The following ZFYVE16 variants were observed in gnomAD, a reference collection of about 807,000 sequenced individuals.
ZFYVE16 encodes the protein zinc finger FYVE-type containing 16, also known as zinc finger FYVE domain-containing protein 16.
In ZFYVE16, 89 loss-of-function variants were observed where a neutral mutation model predicts 138.1. The ratio of observed to expected loss-of-function variants is 0.64; its 90% CI spans 0.54 to 0.77. ZFYVE16 has a LOEUF of 0.77. Among genes scored for constraint, ZFYVE16 ranks in the 30% least tolerant of loss-of-function variants. The pLI is 0.00. For synonymous variants in ZFYVE16, 596 were observed against 618.3 expected (o/e 0.96, Z 0.53); for missense variants, 1,793 against 1,786.7 (o/e 1.00, Z -0.06).
intron 15 of ZFYVE16, among the ~76,000 whole-genome samples, chr5:80,465,978 T>C (rs527587363): frequency 4.9e-4 from 75 of 151,850 alleles, no homozygotes; most frequent in Non-Finnish European, 7.5e-4. Flanking sequence ...CAAGCTTGAG[T>C]GCAATGGCGT....
intron 5 of ZFYVE16, 150 bp from the exon 6 acceptor site, chr5:80,442,973 G>A: frequency 1.4e-6 from 1 of 707,712 alleles, no homozygotes; most frequent in Middle Eastern, 4.2e-4. Flanking sequence ...TACTCAGACA[G>A]TATCTTTGCC....
intron 15 of ZFYVE16, among the ~76,000 whole-genome samples, chr5:80,463,972 G>A (rs1352899544): frequency 6.6e-6 from 1 of 152,188 alleles, no homozygotes; most frequent in Admixed American, 6.5e-5. Context: ...CCTCAGCCTG[G>A]ACTTCATTGT....
chr5:80,452,649 T>C (rs1752111632), intron 11 of ZFYVE16, among the ~76,000 whole-genome samples: 1 of 152,030 alleles, frequency 6.6e-6, no homozygotes, highest in African/African-American at 2.4e-5. Flanking sequence ...ACATAAAGGA[T>C]TTTTGGGTTA....
Position 80,460,817 on chromosome 5 carries a change from T to G in ZFYVE16, c.4024+1323T>G, listed in dbSNP as rs541941457. Among the ~76,000 whole-genome samples the G allele has an allele frequency of 1.5e-4, 23 of 152,308 alleles. No individual in the cohort carries two copies. In the East Asian group the frequency reaches 4.2e-3, roughly 28 times the overall value. On this transcript the variant is annotated intron_variant, in intron 15 of 18. Coordinates refer to ENST00000505560, the MANE Select transcript of ZFYVE16 (RefSeq NM_001284236.3). ...CTATTTTATTATCATTGTAAACATT[T>G]TCACTTTTACTGTGAAAAAGTCAAG...
intron 1 of ZFYVE16, among the ~76,000 whole-genome samples, chr5:80,412,741 G>A (rs757564908): frequency 1.3e-5 from 2 of 152,120 alleles, no homozygotes; most frequent in Admixed American, 6.6e-5. Flanking sequence ...TTCAGTTTCT[G>A]TGCTTAATTT....
At chr5:80,442,845 A>C (rs1348118290) in intron 5 of ZFYVE16, among the ~76,000 whole-genome samples, 5 of 152,242 alleles carry the variant, frequency 3.3e-5, no homozygotes, top group Middle Eastern at 3.2e-3. Context: ...AAACAGAGAC[A>C]GTCATGTAAT....
intron 1 of ZFYVE16, among the ~76,000 whole-genome samples, chr5:80,425,064 G>A (rs1370448111): frequency 6.6e-6 from 1 of 152,132 alleles, no homozygotes; most frequent in Non-Finnish European, 1.5e-5. Context: ...GGTGTAATAT[G>A]TTACCTGTAT....
At chr5:80,464,734 C>T (rs750308882) in intron 15 of ZFYVE16, among the ~76,000 whole-genome samples, 13 of 151,986 alleles carry the variant, frequency 8.6e-5, no homozygotes, top group Non-Finnish European at 1.8e-4. Context: ...TTTTGTTTCT[C>T]TGTTCCTTCC....
rs1240994279 is a variant in ZFYVE16 at position 80,463,478 on chromosome 5, A to AT, written c.4024+3989dup. Reference sequence around the variant, plus strand: ...GACCCTGTACCTGGCCCACAAAACCATTTTTACCTCCCAGGCCTCCAGGCC... The same window carrying AT: ...GACCCTGTACCTGGCCCACAAAACCATTTTTTACCTCCCAGGCCTCCAGGCC... On this transcript the variant is annotated intron_variant, in intron 15 of 18. Transcript: ENST00000505560. Among the ~76,000 whole-genome samples, 3 of 151,948 alleles carry AT rather than the reference A, an allele frequency of 2.0e-5. No individual in the cohort carries two copies. The South Asian group carries it at 6.2e-4, about 32-fold the overall frequency.
Position 80,437,072 on chromosome 5 carries a change from G to C in ZFYVE16, c.387G>C (p.Leu129=), listed in dbSNP as rs1272874326. 1.2e-6 allele frequency: 2 copies of C among 1,614,030 alleles called. No homozygotes were observed. Among genetic ancestry groups the C allele is most frequent in the Admixed American group, 3.3e-5 (2 of 60,008 alleles). ...MGRCSKPICD[L]ISDMGNLVHA... ...GATGTAGTAAACCTATCTGTGATCT[G>C]ATAAGTGACATGGGTAACTTAGTTC... Residue 129 remains leucine, a synonymous_variant, in exon 4 of 19, where the codon CTG becomes CTC. Coordinates refer to ENST00000505560, the MANE Select transcript of ZFYVE16 (RefSeq NM_001284236.3).
intron 1 of ZFYVE16, among the ~76,000 whole-genome samples, chr5:80,426,961 G>C (rs1405451177): frequency 6.6e-6 from 1 of 151,706 alleles, no homozygotes; most frequent in Non-Finnish European, 1.5e-5. Context: ...GCCTGAGATG[G>C]TATCTCATTG....
chr5:80,440,687 T>TGTGTGTGTGTGTGTGTGG (rs1750593415), intron 5 of ZFYVE16: 2 of 983,258 alleles, frequency 2.0e-6, no homozygotes, highest in Non-Finnish European at 2.4e-6. Flanking sequence ...TGTGTGTGTG[T>TGTGTGTGTGTGTGTGTGG]GTGTGTGTGT....
intron 1 of ZFYVE16, among the ~76,000 whole-genome samples, chr5:80,423,046 G>C (rs1747468338): frequency 6.6e-6 from 1 of 152,128 alleles, no homozygotes; most frequent in Non-Finnish European, 1.5e-5. Context: ...TATAGTATAA[G>C]TTAGAAGTGT....
intron 15 of ZFYVE16, among the ~76,000 whole-genome samples, chr5:80,463,540 G>C (rs1753362295): frequency 6.6e-6 from 1 of 152,156 alleles, no homozygotes; most frequent in African/African-American, 2.4e-5. Flanking sequence ...TCTCTGGTAT[G>C]CCCTAGAGAC....
intron 1 of ZFYVE16, among the ~76,000 whole-genome samples, chr5:80,423,049 A>G (rs1465390154): frequency 6.6e-6 from 1 of 152,176 alleles, no homozygotes; most frequent in Non-Finnish European, 1.5e-5. Context: ...AGTATAAGTT[A>G]GAAGTGTTCC....
rs149311297 is a variant in ZFYVE16 at position 80,421,271 on chromosome 5, C to A, written c.-93-6221C>A. On this transcript the variant is annotated intron_variant, in intron 1 of 18. Coordinates refer to ENST00000505560, the MANE Select transcript of ZFYVE16 (RefSeq NM_001284236.3). ...TGCCTGTTCACTCTGATGGTAGTTT[C>A]TTTTGCTGTGCAGATGCTCTTTAGT... Among the ~76,000 whole-genome samples, 870 of 152,254 alleles carry A rather than the reference C, an allele frequency of 5.7e-3. 8 individuals are homozygous for A. Among genetic ancestry groups the A allele is most frequent in the African/African-American group, 0.02 (845 of 41,544 alleles).
At chr5:80,469,966 G>A (rs1207254331) in intron 15 of ZFYVE16, among the ~76,000 whole-genome samples, 2 of 147,414 alleles carry the variant, frequency 1.4e-5, no homozygotes, top group African/African-American at 5.0e-5. Context: ...GCCCATATTT[G>A]CTTTTTATTC....
Position 80,443,147 on chromosome 5 carries a change from G to A in ZFYVE16, c.2444G>A (p.Ser815Asn). 1.3e-6 allele frequency: 2 copies of A among 1,579,788 alleles called. No individual in the cohort carries two copies. Among genetic ancestry groups the A allele is most frequent in the South Asian group, 1.2e-5 (1 of 84,060 alleles). The stretch of plus-strand genomic sequence containing the variant: ...GCTCAGGCATTTGAAAGGATGATGA[G>A]TCCAACTGGTTCTAATCTTAAGTCT... ...SKAQAFERMM[S>N]PTGSNLKSNH... Residue 815 changes from serine (S) to asparagine (N), a missense_variant, in exon 6 of 19, where the codon AGT (serine) becomes AAT (asparagine). This residue lies in a region of ZFYVE16 where 1,295 missense variants were observed against 1,204.3 expected (regional missense o/e 1.08). Transcript: ENST00000505560.
intron 2 of ZFYVE16, among the ~76,000 whole-genome samples, chr5:80,431,775 G>A (rs906625006): frequency 1.9e-4 from 29 of 152,252 alleles, no homozygotes; most frequent in African/African-American, 6.5e-4. Flanking sequence ...AAAATCACAA[G>A]CATTCTTAAA....
Sources: allele counts gnomAD v4.1 joint callset (sites outside exome capture counted in the v4.1 genomes callset), GRCh38; gene constraint gnomAD v4.1.1; regional missense constraint gnomAD v4.1.1; transcripts MANE v1.5; gene names NCBI Gene and HGNC (gene_info 2026-07-23, HGNC 2026-07-21).